Variants in PLCB1 observed in about 807,000 individuals in gnomAD.
The protein encoded by PLCB1 is phospholipase C beta 1, also known as 1-phosphatidylinositol 4,5-bisphosphate phosphodiesterase beta-1.
In PLCB1, 46 loss-of-function variants were observed where a neutral mutation model predicts 161.8. That is an observed-to-expected ratio of 0.28 (90% CI 0.22 to 0.36). The LOEUF (loss-of-function observed/expected upper bound fraction) is 0.36. PLCB1 is among the 10% of genes least tolerant of loss of function. The pLI is 1.00. For missense variants in PLCB1, 1,016 were observed against 1,472.5 expected, an observed-to-expected ratio of 0.69 and a Z score of 5.07; for synonymous variants, 517 against 503.7, an observed-to-expected ratio of 1.03 and a Z score of -0.35.
intron 3 of PLCB1, among the ~76,000 whole-genome samples, chr20:8,494,792 A>G (rs1983091384): frequency 6.6e-6 from 1 of 152,138 alleles, no homozygotes; most frequent in Non-Finnish European, 1.5e-5. Context: ...CTTCTAGTTT[A>G]CATAGTAAGG....
intron 9 of PLCB1, among the ~76,000 whole-genome samples, chr20:8,671,523 T>C (rs558744724): frequency 1.3e-5 from 2 of 152,294 alleles, no homozygotes; most frequent in East Asian, 3.9e-4. Flanking sequence ...GATAGACAAA[T>C]TCAAATCAAA....
intron 16 of PLCB1, among the ~76,000 whole-genome samples, chr20:8,725,765 A>T (rs1356020671): frequency 6.6e-6 from 1 of 152,138 alleles, no homozygotes; most frequent in Non-Finnish European, 1.5e-5. Context: ...CTCATTAGTT[A>T]AAAGTTCCAA....
At chr20:8,824,504 G>A (rs1985592035) in intron 31 of PLCB1, among the ~76,000 whole-genome samples, 1 of 152,162 alleles carries the variant, frequency 6.6e-6, no homozygotes, top group African/African-American at 2.4e-5. Context: ...GAGAACTCAG[G>A]AATGGCAGGA....
intron 31 of PLCB1, among the ~76,000 whole-genome samples, chr20:8,821,527 A>G (rs868486839): frequency 1.3e-4 from 12 of 92,750 alleles, no homozygotes; most frequent in African/African-American, 5.1e-4. Context: ...ATATATATAT[A>G]TATATATATA....
At chr20:8,489,424 TAAATC>T (rs1232382217) in intron 3 of PLCB1, among the ~76,000 whole-genome samples, 17 of 152,176 alleles carry the variant, frequency 1.1e-4, no homozygotes, top group African/African-American at 4.1e-4. Flanking sequence ...CCTAGTTAAA[TAAATC>T]GTTGTAATAA....
chr20:8,835,072 A>G (rs1342166754), intron 31 of PLCB1, among the ~76,000 whole-genome samples: 1 of 152,190 alleles, frequency 6.6e-6, no homozygotes, highest in Non-Finnish European at 1.5e-5. Flanking sequence ...TGATTGACCA[A>G]ATATCTGCGC....
intron 9 of PLCB1, among the ~76,000 whole-genome samples, chr20:8,664,320 A>T (rs1246012744): frequency 6.6e-6 from 1 of 152,138 alleles, no homozygotes; most frequent in Non-Finnish European, 1.5e-5. Context: ...TAATAGTTTA[A>T]TAGTTGAAAT....
At chr20:8,271,971 A>G (rs890710963) in intron 2 of PLCB1, among the ~76,000 whole-genome samples, 3 of 152,120 alleles carry the variant, frequency 2.0e-5, no homozygotes, top group African/African-American at 7.2e-5. Context: ...AATAATGACT[A>G]AGAACAGTTT....
At chr20:8,230,309 C>A (rs1326135449) in intron 2 of PLCB1, among the ~76,000 whole-genome samples, 1 of 152,054 alleles carries the variant, frequency 6.6e-6, no homozygotes, top group East Asian at 1.9e-4. Flanking sequence ...TTATGGGATA[C>A]ACCTGATCTT....
At chr20:8,430,923 C>T (rs1456642248) in intron 3 of PLCB1, among the ~76,000 whole-genome samples, 2 of 151,968 alleles carry the variant, frequency 1.3e-5, no homozygotes, top group Non-Finnish European at 2.9e-5. Flanking sequence ...ACACCACTTG[C>T]GCTCTAGCCT....
intron 31 of PLCB1, among the ~76,000 whole-genome samples, chr20:8,859,734 G>A (rs1487603111): frequency 2.0e-5 from 3 of 151,716 alleles, no homozygotes; most frequent in Non-Finnish European, 4.4e-5. Context: ...GGGGTCTATT[G>A]GAGCAAGTTA....
chr20:8,735,587 T>C (rs1250045647), intron 19 of PLCB1, among the ~76,000 whole-genome samples: 2 of 152,220 alleles, frequency 1.3e-5, no homozygotes, highest in East Asian at 3.8e-4. Flanking sequence ...TACCGTCCTA[T>C]GTTACTGACG....
chr20:8,790,153 G>A, intron 30 of PLCB1, 22 bp from the exon 31 acceptor site: 2 of 1,555,610 alleles, frequency 1.3e-6, no homozygotes, highest in African/African-American at 1.4e-5. Flanking sequence ...TGAAAGTAAT[G>A]TTTCTTGTAA....
chr20:8,512,044 G>A (rs1236277540), intron 3 of PLCB1, among the ~76,000 whole-genome samples: 2 of 152,004 alleles, frequency 1.3e-5, no homozygotes, highest in African/African-American at 4.8e-5. Context: ...AACACAAGCA[G>A]GAAAAGCTTT....
At chr20:8,348,384 GC>G (rs929237776) in intron 2 of PLCB1, among the ~76,000 whole-genome samples, 1 of 152,196 alleles carries the variant, frequency 6.6e-6, no homozygotes, top group African/African-American at 2.4e-5. Flanking sequence ...AGCTAGATGT[GC>G]CTCTGAGCTA....
intron 31 of PLCB1, among the ~76,000 whole-genome samples, chr20:8,824,905 C>G (rs188523657): frequency 6.6e-6 from 1 of 152,180 alleles, no homozygotes; most frequent in East Asian, 1.9e-4. Context: ...CCCATAACAT[C>G]CTGGATATTG....
At chr20:8,265,934 T>C (rs1320812026) in intron 2 of PLCB1, among the ~76,000 whole-genome samples, 2 of 152,198 alleles carry the variant, frequency 1.3e-5, no homozygotes, top group Non-Finnish European at 2.9e-5. Context: ...TAATTTTTAT[T>C]GTAAAAATAA....
intron 31 of PLCB1, among the ~76,000 whole-genome samples, chr20:8,838,062 C>T (rs1432907670): frequency 7.2e-5 from 6 of 83,534 alleles, no homozygotes; most frequent in African/African-American, 1.7e-4. Flanking sequence ...CTGAAAATTT[C>T]TATGTCAAAT....
At chr20:8,181,742 A>C (rs1393812008) in intron 2 of PLCB1, among the ~76,000 whole-genome samples, 1 of 152,158 alleles carries the variant, frequency 6.6e-6, no homozygotes, top group Non-Finnish European at 1.5e-5. Context: ...TGGGAGGCTA[A>C]GGCAGGAGGA....
Sources: allele counts gnomAD v4.1 joint callset (sites outside exome capture counted in the v4.1 genomes callset), GRCh38; gene constraint gnomAD v4.1.1; transcripts MANE v1.5; gene names NCBI Gene and HGNC (gene_info 2026-07-23, HGNC 2026-07-21).